The following AGGF1 variants were observed in gnomAD, a reference collection of about 807,000 sequenced individuals.
AGGF1 encodes angiogenic factor with G-patch and FHA domains 1, also known as angiogenic factor with G patch and FHA domains 1.
In AGGF1, 56 loss-of-function variants were observed where a neutral mutation model predicts 86.5. That is an observed-to-expected ratio of 0.65 (90% CI 0.52 to 0.81). The LOEUF is 0.81. AGGF1 is among the 30% of genes least tolerant of loss of function. The probability of loss-of-function intolerance (pLI) is 0.00; values close to 1 mark genes in which losing one functional copy is unlikely to be tolerated. For missense variants in AGGF1, 816 were observed against 850.9 expected (o/e 0.96, Z 0.51); for synonymous variants, 313 against 297.1 (o/e 1.05, Z -0.55).
chr5:77,043,778 TC>T (rs1470250281), intron 5 of AGGF1, among the ~76,000 whole-genome samples: 1 of 108,868 alleles, frequency 9.2e-6, no homozygotes, highest in African/African-American at 3.3e-5. Flanking sequence ...TCCTCACTTC[TC>T]AGAGTGGGCA....
chr5:77,030,878 A>T lies in AGGF1; in HGVS notation c.112A>T (p.Ser38Cys). 1 of 1,613,516 alleles carries T rather than the reference A, an allele frequency of 6.2e-7. No individual in the cohort carries two copies. The highest frequency in any genetic ancestry group is 8.5e-7 in the Non-Finnish European group (1 of 1,180,006). The change falls in exon 1 of 14, where the codon AGC (serine) becomes TGC (cysteine). Residue 38 changes from serine to cysteine, a missense_variant. Transcript: ENST00000312916. ...KVEKLERELR[S>C]CKRQVREIEK... ...GGAGAAGTTGGAACGTGAACTGCGGAGCTGCAAGCGGCAGGTGCGGGAGAT... is the reference window on the plus strand; with the variant it reads ...GGAGAAGTTGGAACGTGAACTGCGGTGCTGCAAGCGGCAGGTGCGGGAGAT...
rs1311083986 is a variant in AGGF1 at position 77,054,145 on chromosome 5, T to C, written c.1633+15T>C. On this transcript the variant is annotated intron_variant, in intron 10 of 13. Transcript: ENST00000312916. ...TGAATCTTTTGGTATGTGAAACAGATTAAATGTGGCTGTGATAACATTTCT... is the reference window on the plus strand; with the variant it reads ...TGAATCTTTTGGTATGTGAAACAGACTAAATGTGGCTGTGATAACATTTCT... 1.9e-6 allele frequency: 3 copies of C among 1,613,964 alleles called. No homozygotes were observed. Among genetic ancestry groups the C allele is most frequent in the Non-Finnish European group, 2.5e-6 (3 of 1,179,944 alleles).
intron 1 of AGGF1, among the ~76,000 whole-genome samples, chr5:77,031,360 A>T (rs904313757): frequency 6.6e-6 from 1 of 152,172 alleles, no homozygotes; most frequent in Non-Finnish European, 1.5e-5. Context: ...TTATATACCG[A>T]GTCTCAGTTC....
intron 7 of AGGF1, 120 bp from the exon 8 acceptor site, chr5:77,048,816 C>T: frequency 1.1e-6 from 1 of 949,194 alleles, no homozygotes; most frequent in Non-Finnish European, 1.7e-6. Context: ...AATCCATAAC[C>T]AGGAGATTTA....
intron 3 of AGGF1, 180 bp downstream of exon 3, chr5:77,035,923 C>T: frequency 1.6e-6 from 1 of 623,452 alleles, no homozygotes; most frequent in Non-Finnish European, 2.8e-6. Flanking sequence ...AGAACTTCTT[C>T]ATATATGTAG....
At position 77,046,581 on chromosome 5, in the gene AGGF1, G is replaced by T; in HGVS notation, c.1105G>T (p.Glu369Ter). ...EKIMETDSEP[E>*]EGEITDSQTE... ...AATCATGGAGACTGATAGTGAACCA[G>T]AGGAAGGTGAAATTACAGACTCTCA... Residue 369 changes from glutamate (E) to a stop codon, truncating the protein, a stop_gained, in exon 6 of 14, where the codon GAG becomes TAG. Coordinates refer to ENST00000312916, the MANE Select transcript of AGGF1 (RefSeq NM_018046.5). LOFTEE classifies it high-confidence loss of function. The T allele has an allele frequency of 6.2e-7, 1 of 1,613,874 alleles. No individual in the cohort carries two copies. The highest frequency in any genetic ancestry group is 8.5e-7 in the Non-Finnish European group (1 of 1,179,870).
chr5:77,035,298 CT>C (rs549030891), intron 2 of AGGF1, among the ~76,000 whole-genome samples: 72 of 148,762 alleles, frequency 4.8e-4, no homozygotes, highest in Non-Finnish European at 7.9e-4. Flanking sequence ...ACCAACTTAC[CT>C]TTTTTTTTTC....
chr5:77,045,243 G>C (rs1454572259), intron 5 of AGGF1, among the ~76,000 whole-genome samples: 1 of 152,196 alleles, frequency 6.6e-6, no homozygotes, highest in Admixed American at 6.5e-5. Context: ...TGAAATGATA[G>C]ATTTGACCAT....
chr5:77,050,067 T>C (rs1461089586), intron 8 of AGGF1, among the ~76,000 whole-genome samples: 1 of 152,078 alleles, frequency 6.6e-6, no homozygotes, highest in Non-Finnish European at 1.5e-5. Flanking sequence ...AATTTGAAAG[T>C]CCATTTACTT....
At chr5:77,044,350 G>C (rs745704634) in intron 5 of AGGF1, among the ~76,000 whole-genome samples, 57 of 152,318 alleles carry the variant, frequency 3.7e-4, no homozygotes, top group Non-Finnish European at 2.4e-4. Context: ...AATTTCCTGA[G>C]GATTCTAAAA....
rs1359084474 is a variant in AGGF1 at position 77,030,452 on chromosome 5, C to G, written c.-315C>G. ...GGAGCTGCTGGAGCTCTTCTGGCCT[C>G]TGGTTTTCCGACTGCTTATCCGACG... On this transcript the variant is annotated 5_prime_UTR_variant, in exon 1 of 14. Coordinates refer to ENST00000312916, the MANE Select transcript of AGGF1 (RefSeq NM_018046.5). The G allele has an allele frequency of 1.1e-5, 6 of 560,436 alleles. No homozygotes were observed. The highest frequency in any genetic ancestry group is 6.6e-5 in the Admixed American group (3 of 45,476). The allele number at this position is 560,436 out of a possible 1,614,324, so 34.7% of individuals were successfully genotyped here.
At chr5:77,057,818 T>C (rs1284125467) in intron 11 of AGGF1, among the ~76,000 whole-genome samples, 1 of 152,222 alleles carries the variant, frequency 6.6e-6, no homozygotes, top group East Asian at 1.9e-4. Flanking sequence ...AAGGACATCC[T>C]GTTTCCAGGT....
rs898204626 is a variant in AGGF1, at chr5:77,064,257, C to T, written c.*1005C>T. 6.6e-6 allele frequency: 1 copy of T among 152,458 alleles called. No homozygotes were observed. 9.4% of individuals were successfully genotyped at this position (152,458 alleles called of 1,614,324 possible). On this transcript the variant is annotated 3_prime_UTR_variant, in exon 14 of 14. Coordinates refer to ENST00000312916, the MANE Select transcript of AGGF1 (RefSeq NM_018046.5). ...CTGGGCACAGGTGTCACTGCTCTGC[C>T]ACCTATCACTATTCTTTTTCTGTTC...
intron 5 of AGGF1, among the ~76,000 whole-genome samples, chr5:77,041,603 T>A (rs1057470916): frequency 2.7e-4 from 40 of 148,148 alleles, no homozygotes; most frequent in African/African-American, 9.7e-4. Flanking sequence ...GGCTAGGTTG[T>A]GAAAGCACCT....
chr5:77,046,263 G>A (rs547095132), intron 5 of AGGF1, 84 bp from the exon 6 acceptor site: 67 of 1,184,334 alleles, frequency 5.7e-5, no homozygotes, highest in Non-Finnish European at 7.6e-5. Flanking sequence ...TCACGAATTC[G>A]TTGAAACTTG....
chr5:77,030,978 T>A lies in AGGF1; in HGVS notation c.210+2T>A. The A allele has an allele frequency of 6.2e-7, 1 of 1,611,622 alleles. No homozygotes were observed. Among genetic ancestry groups the A allele is most frequent in the Non-Finnish European group, 8.5e-7 (1 of 1,179,902 alleles). On this transcript the variant is annotated splice_donor_variant, in intron 1 of 13. Coordinates refer to ENST00000312916, the MANE Select transcript of AGGF1 (RefSeq NM_018046.5). LOFTEE classifies it high-confidence loss of function. Reference sequence around the variant, plus strand: ...AACAACCAGGAGCTCCGCACGCAGGTGCGCGGTCCTCCTCAGCCCCGCGCC... The same window carrying A: ...AACAACCAGGAGCTCCGCACGCAGGAGCGCGGTCCTCCTCAGCCCCGCGCC...
At chr5:77,061,636 G>C in intron 12 of AGGF1, 67 bp from the exon 13 acceptor site, 2 of 1,473,142 alleles carry the variant, frequency 1.4e-6, no homozygotes, top group Non-Finnish European at 1.9e-6. Context: ...TTTAATTCAT[G>C]AATTTATTAT....
Position 77,046,637 on chromosome 5 carries a change from C to T in AGGF1, c.1161C>T (p.Thr387=), listed in dbSNP as rs1747259164. ...QTEDSYDEAI[T]SEGNVTAEDS... The stretch of plus-strand genomic sequence containing the variant: ...AGGATAGTTATGACGAAGCCATTAC[C>T]AGTGAAGGCAATGTAACTGCAGAAG... The change falls in exon 6 of 14, where the codon ACC becomes ACT. Residue 387 remains threonine, a synonymous_variant. Coordinates refer to ENST00000312916, the MANE Select transcript of AGGF1 (RefSeq NM_018046.5). 1 of 1,613,814 alleles carries T rather than the reference C, an allele frequency of 6.2e-7. No homozygotes were observed. Among genetic ancestry groups the T allele is most frequent in the African/African-American group, 1.3e-5 (1 of 74,866 alleles).
chr5:77,061,916 A>G, intron 13 of AGGF1, 114 bp downstream of exon 13: 1 of 925,920 alleles, frequency 1.1e-6, no homozygotes, highest in Non-Finnish European at 1.8e-6. Flanking sequence ...GCAAAAGGAG[A>G]CATGATTACT....
Sources: gnomAD v4.1 joint callset for allele counts (sites outside exome capture counted in the v4.1 genomes callset) on GRCh38, gnomAD v4.1.1 for gene constraint, MANE v1.5 for transcripts, NCBI Gene and HGNC (gene_info 2026-07-23, HGNC 2026-07-21) for gene names.